Variants in GREB1L observed in about 807,000 individuals in gnomAD.
The protein encoded by GREB1L is GREB1 like retinoic acid receptor coactivator, also known as GREB1-like protein.
A neutral mutation model predicts 200.8 loss-of-function variants in GREB1L; 17 were observed. The observed-to-expected ratio is 0.08, with a 90% CI of 0.06 to 0.13. The LOEUF is 0.13. Ranked by LOEUF, GREB1L falls within the 10% of genes least tolerant of loss-of-function variation. The pLI is 1.00. For missense variants in GREB1L, 1,657 were observed against 2,367.7 expected, an observed-to-expected ratio of 0.70 and a Z score of 6.23; for synonymous variants, 789 against 893.0, an observed-to-expected ratio of 0.88 and a Z score of 2.08.
intron 4 of GREB1L, among the ~76,000 whole-genome samples, chr18:21,393,192 A>G (rs907314763): frequency 7.9e-5 from 12 of 152,220 alleles, no homozygotes; most frequent in African/African-American, 2.7e-4. Context: ...AGAATCTAGC[A>G]TGGTTTTTCC....
intron 3 of GREB1L, 126 bp from the exon 4 acceptor site, chr18:21,384,080 C>G: frequency 1.4e-6 from 1 of 717,338 alleles, no homozygotes; most frequent in Non-Finnish European, 2.3e-6. Context: ...CTTGGGACCT[C>G]TGAGATAAAT....
At chr18:21,299,740 A>G (rs1000465906) in intron 1 of GREB1L, among the ~76,000 whole-genome samples, 2 of 152,046 alleles carry the variant, frequency 1.3e-5, no homozygotes, top group Admixed American at 6.6e-5. Flanking sequence ...TTGACATGCT[A>G]TTTTCACGCC....
chr18:21,348,819 C>T (rs748052109), intron 1 of GREB1L, among the ~76,000 whole-genome samples: 33 of 152,078 alleles, frequency 2.2e-4, no homozygotes, highest in Admixed American at 1.4e-3. Flanking sequence ...GTGGCATGCA[C>T]CTGTAGTCCC....
chr18:21,471,011 C>T (rs1159125353), intron 15 of GREB1L, among the ~76,000 whole-genome samples: 1 of 152,128 alleles, frequency 6.6e-6, no homozygotes, highest in Non-Finnish European at 1.5e-5. Context: ...GAGGACAGAG[C>T]CAGCACCCTG....
intron 1 of GREB1L, among the ~76,000 whole-genome samples, chr18:21,329,224 C>T (rs1472429684): frequency 6.7e-6 from 1 of 150,180 alleles, no homozygotes; most frequent in Admixed American, 6.7e-5. Context: ...AGTTGGGAGG[C>T]TGAGGCACGA....
chr18:21,267,006 T>C (rs2037979684), intron 1 of GREB1L, among the ~76,000 whole-genome samples: 1 of 152,166 alleles, frequency 6.6e-6, no homozygotes, highest in Non-Finnish European at 1.5e-5. Context: ...TGGTCTTGGC[T>C]CACTGCAACC....
rs559110286 is a variant in GREB1L, at chr18:21,513,332, A to G, written c.4736-489A>G. Among the ~76,000 whole-genome samples, 6 of 152,308 alleles carry G rather than the reference A, an allele frequency of 3.9e-5. No homozygotes were observed. The East Asian group carries it at 7.7e-4, about 20-fold the overall frequency. On this transcript the variant is annotated intron_variant, in intron 27 of 32. Transcript: ENST00000424526. The stretch of plus-strand genomic sequence containing the variant: ...TGCCGTCAGTTTCCTTGAAGTATCT[A>G]AAGCAGGGGACATATCAGTGGAATT...
chr18:21,518,991 C>T (rs2037520999), intron 31 of GREB1L, among the ~76,000 whole-genome samples: 1 of 152,196 alleles, frequency 6.6e-6, no homozygotes, highest in East Asian at 1.9e-4. Context: ...GAAAAAAACA[C>T]ACATATCCAT....
At position 21,428,046 on chromosome 18, in the gene GREB1L, C is replaced by T. The variant is rs1448034449; in HGVS notation, c.833-11475C>T. Among the ~76,000 whole-genome samples the T allele has an allele frequency of 2.0e-5, 3 of 150,530 alleles. No individual in the cohort carries two copies. In the East Asian group the frequency reaches 5.9e-4, roughly 29 times the overall value. ...TCTACTAAAAATACAAAAAATTAGC[C>T]GGGCGCGGTGGCGGGCGCCTGTAGT... On this transcript the variant is annotated intron_variant, in intron 7 of 32. Transcript: ENST00000424526.
chr18:21,494,532 C>T (rs1388907483), intron 19 of GREB1L, among the ~76,000 whole-genome samples: 1 of 151,782 alleles, frequency 6.6e-6, no homozygotes, highest in East Asian at 1.9e-4. Context: ...TATTTTAAAA[C>T]AAAATTGTAT....
chr18:21,514,160 T>A (rs778662971), intron 28 of GREB1L, among the ~76,000 whole-genome samples, 174 bp downstream of exon 28: 1 of 152,212 alleles, frequency 6.6e-6, no homozygotes, highest in Non-Finnish European at 1.5e-5. Flanking sequence ...ATCTTTTATT[T>A]AGACATTCAG....
chr18:21,325,531 A>G (rs1186793733), intron 1 of GREB1L, among the ~76,000 whole-genome samples: 3 of 152,200 alleles, frequency 2.0e-5, no homozygotes, highest in Non-Finnish European at 1.5e-5. Flanking sequence ...ATAATAAACT[A>G]GGGCCTGTTG....
chr18:21,404,050 T>G, intron 7 of GREB1L, 56 bp downstream of exon 7: 1 of 1,437,278 alleles, frequency 7.0e-7, no homozygotes, highest in South Asian at 1.2e-5. Context: ...TAATGAGACT[T>G]TTTAAAATAT....
intron 17 of GREB1L, among the ~76,000 whole-genome samples, chr18:21,479,678 CAAA>C (rs36033923): frequency 7.9e-6 from 1 of 126,226 alleles, no homozygotes; most frequent in Non-Finnish European, 1.8e-5. Context: ...GACCCTGTCT[CAAA>C]AAAAAAAAAA....
At chr18:21,265,389 A>G (rs1412553894) in intron 1 of GREB1L, among the ~76,000 whole-genome samples, 2 of 152,208 alleles carry the variant, frequency 1.3e-5, no homozygotes, top group Non-Finnish European at 2.9e-5. Flanking sequence ...TGAAAAACCA[A>G]ATTACATAAA....
intron 1 of GREB1L, among the ~76,000 whole-genome samples, chr18:21,303,373 G>A (rs2038649170): frequency 6.6e-6 from 1 of 152,010 alleles, no homozygotes; most frequent in South Asian, 2.1e-4. Context: ...GTTCCCAAAT[G>A]GAAAAATTCT....
intron 8 of GREB1L, 53 bp from the exon 9 acceptor site, chr18:21,440,216 A>T: frequency 6.5e-7 from 1 of 1,538,334 alleles, no homozygotes; most frequent in East Asian, 2.4e-5. Context: ...CCTTTCTTCC[A>T]CATGGCTGAG....
chr18:21,480,089 G>A (rs541127672), intron 17 of GREB1L, among the ~76,000 whole-genome samples: 22 of 152,244 alleles, frequency 1.4e-4, no homozygotes, highest in African/African-American at 4.6e-4. Flanking sequence ...GGTGGCTCAC[G>A]CCTGTAAACT....
chr18:21,287,258 C>T (rs1450511657), intron 1 of GREB1L, among the ~76,000 whole-genome samples: 5 of 152,058 alleles, frequency 3.3e-5, no homozygotes, highest in African/African-American at 1.2e-4. Flanking sequence ...ACACCAAGAA[C>T]TTGCACTAAT....
Sources: gnomAD v4.1 joint callset for allele counts (sites outside exome capture counted in the v4.1 genomes callset) on GRCh38, gnomAD v4.1.1 for gene constraint, MANE v1.5 for transcripts, NCBI Gene and HGNC (gene_info 2026-07-23, HGNC 2026-07-21) for gene names.